KALRN: variants seen among roughly 807,000 people sequenced by gnomAD.
The protein encoded by KALRN is kalirin RhoGEF kinase.
Under a neutral mutation model 353.7 loss-of-function variants are expected in KALRN, and 70 were observed. That is an observed-to-expected ratio of 0.20 (90% CI 0.16 to 0.24). The LOEUF (loss-of-function observed/expected upper bound fraction) is 0.24, where lower values mean the gene tolerates loss of function less well. Among genes scored for constraint, KALRN ranks in the 10% least tolerant of loss-of-function variants. The pLI is 1.00. For missense variants in KALRN, 2,791 were observed against 3,756.7 expected, an observed-to-expected ratio of 0.74 and a Z score of 6.72; for synonymous variants, 1,391 against 1,434.8, an observed-to-expected ratio of 0.97 and a Z score of 0.69.
intron 44 of KALRN, 66 bp downstream of exon 44, chr3:124,661,039 G>T: frequency 2.4e-6 from 3 of 1,261,024 alleles, no homozygotes; most frequent in Non-Finnish European, 3.5e-6. Flanking sequence ...CTCTAGAGGG[G>T]AAAAGATTGT....
chr3:124,206,583 G>A (rs2076431557), intron 1 of KALRN, among the ~76,000 whole-genome samples: 1 of 152,172 alleles, frequency 6.6e-6, no homozygotes, highest in African/African-American at 2.4e-5. Context: ...ACGACTTCTT[G>A]TGCTTATTGC....
intron 1 of KALRN, among the ~76,000 whole-genome samples, chr3:124,137,671 C>T (rs1045969615): frequency 1.1e-4 from 16 of 152,074 alleles, no homozygotes; most frequent in East Asian, 1.9e-4. Flanking sequence ...AGTCCTTACA[C>T]GCAAATTTTA....
intron 1 of KALRN, among the ~76,000 whole-genome samples, chr3:124,189,845 A>G (rs2074684130): frequency 1.3e-5 from 2 of 150,896 alleles, no homozygotes; most frequent in South Asian, 2.2e-4. Flanking sequence ...AGGCTGAGGC[A>G]GGAGAATCAC....
intron 10 of KALRN, among the ~76,000 whole-genome samples, chr3:124,356,497 C>A (rs2083438055): frequency 6.6e-6 from 1 of 151,922 alleles, no homozygotes; most frequent in South Asian, 2.1e-4. Flanking sequence ...CCACACTCAG[C>A]TAATTTTTGT....
At chr3:124,338,189 G>A (rs1055776939) in intron 9 of KALRN, among the ~76,000 whole-genome samples, 3 of 151,982 alleles carry the variant, frequency 2.0e-5, no homozygotes, top group Non-Finnish European at 2.9e-5. Context: ...TTTTGAATTT[G>A]TTTGCTCTTG....
At chr3:124,096,381 C>T (rs953852740) in intron 1 of KALRN, among the ~76,000 whole-genome samples, 3 of 152,164 alleles carry the variant, frequency 2.0e-5, no homozygotes, top group African/African-American at 7.2e-5. Flanking sequence ...AATTCTCACT[C>T]TCCAACAAAC....
In KALRN at chr3:124,496,315, G is replaced by T; in HGVS notation, c.4837G>T (p.Gly1613Ter). 1 of 1,605,396 alleles carries T rather than the reference G, an allele frequency of 6.2e-7. No individual in the cohort carries two copies. Among genetic ancestry groups the T allele is most frequent in the East Asian group, 2.2e-5 (1 of 44,674 alleles). Reference sequence around the variant, plus strand: ...TTTTTTCTCTTCTTCCTGCAGGGATGGAGTGGAGGATATTGACAGCCAGGG... The same window carrying T: ...TTTTTTCTCTTCTTCCTGCAGGGATTGAGTGGAGGATATTGACAGCCAGGG... ...AKQRNNSKRD[G>*]VEDIDSQGDG... Residue 1613 changes from glycine (G) to a stop codon, truncating the protein, a stop_gained, in exon 33 of 60, where the codon GGA becomes TGA. Transcript: ENST00000682506. LOFTEE classifies it high-confidence loss of function.
At chr3:124,543,381 A>C (rs1194908770) in intron 33 of KALRN, among the ~76,000 whole-genome samples, 1 of 151,004 alleles carries the variant, frequency 6.6e-6, no homozygotes. Context: ...GGCTCACTGC[A>C]AGCTCCGCCT....
intron 57 of KALRN, among the ~76,000 whole-genome samples, chr3:124,704,644 C>T (rs2062509204): frequency 6.6e-6 from 1 of 152,070 alleles, no homozygotes; most frequent in Admixed American, 6.6e-5. Flanking sequence ...ACCTTCCAGG[C>T]TCAAGTGATC....
At chr3:124,357,429 T>C (rs2083543997) in intron 10 of KALRN, among the ~76,000 whole-genome samples, 1 of 152,218 alleles carries the variant, frequency 6.6e-6, no homozygotes, top group South Asian at 2.1e-4. Context: ...AAACTCTTGA[T>C]AATATAAACC....
chr3:124,159,873 G>T (rs1269105503), intron 1 of KALRN, among the ~76,000 whole-genome samples: 2 of 152,018 alleles, frequency 1.3e-5, no homozygotes, highest in African/African-American at 4.8e-5. Flanking sequence ...GTACTGATGG[G>T]TATGGGGGGA....
At chr3:124,459,260 C>T (rs1305507579) in intron 23 of KALRN, among the ~76,000 whole-genome samples, 1 of 152,146 alleles carries the variant, frequency 6.6e-6, no homozygotes, top group African/African-American at 2.4e-5. Flanking sequence ...AAGTTTACTC[C>T]TAGGTCAGCA....
At chr3:124,617,344 A>G (rs965517687) in intron 34 of KALRN, among the ~76,000 whole-genome samples, 3 of 152,152 alleles carry the variant, frequency 2.0e-5, no homozygotes, top group Admixed American at 6.5e-5. Context: ...ACACAAATGA[A>G]CAAAGAATTT....
Position 124,276,947 on chromosome 3 carries a change from A to ATGTGCGCATGCACACACACATG in KALRN, c.969+7698_969+7719dup, listed in dbSNP as rs1188525423. 2.6e-4 allele frequency among the ~76,000 whole-genome samples: 40 copies of ATGTGCGCATGCACACACACATG among 152,298 alleles called. No homozygotes were observed. In the South Asian group the frequency reaches 7.7e-3, roughly 29 times the overall value. On this transcript the variant is annotated intron_variant, in intron 5 of 59. Transcript: ENST00000682506. ...CTTCTCCCAACACACGCACGCACAC[A>ATGTGCGCATGCACACACACATG]TGTGCGCATGCACACACACATGTGT...
chr3:124,250,702 A>T, intron 3 of KALRN, among the ~76,000 whole-genome samples: 1 of 152,178 alleles, frequency 6.6e-6, no homozygotes, highest in African/African-American at 2.4e-5. Flanking sequence ...GAGGGTAGAG[A>T]AGGCCAGAAG....
chr3:124,481,418 G>T (rs754016603), intron 27 of KALRN, among the ~76,000 whole-genome samples: 1 of 152,084 alleles, frequency 6.6e-6, no homozygotes, highest in Non-Finnish European at 1.5e-5. Context: ...TGTTGCCCCG[G>T]CTGGTCTTGA....
intron 6 of KALRN, among the ~76,000 whole-genome samples, chr3:124,306,068 C>CATTATT (rs1184017438): frequency 1.3e-5 from 2 of 151,738 alleles, no homozygotes; most frequent in African/African-American, 4.8e-5. Flanking sequence ...TCAGTAAAGA[C>CATTATT]ATTATTATTA....
intron 1 of KALRN, among the ~76,000 whole-genome samples, chr3:124,090,486 G>C (rs573614585): frequency 6.6e-6 from 1 of 152,340 alleles, no homozygotes; most frequent in East Asian, 1.9e-4. Flanking sequence ...GCTTTCTGGA[G>C]CCTGTGGAGA....
In KALRN at chr3:124,325,976, C is replaced by A. The variant is rs761295987; in HGVS notation, c.1093-4C>A. The A allele has an allele frequency of 7.5e-6, 12 of 1,610,400 alleles. No individual in the cohort carries two copies. The highest frequency in any genetic ancestry group is 1.0e-5 in the Non-Finnish European group (12 of 1,177,808). On this transcript the variant is annotated splice_region_variant and splice_polypyrimidine_tract_variant and intron_variant, in intron 6 of 59. Coordinates refer to ENST00000682506, the MANE Select transcript of KALRN (RefSeq NM_001388419.1). ...CCCACTGAGCACTCTCCTTTTCTTT[C>A]CAGAATGCCTATGTCAACATCAACC...
Sources: gnomAD v4.1 joint callset for allele counts (sites outside exome capture counted in the v4.1 genomes callset) on GRCh38, gnomAD v4.1.1 for gene constraint, MANE v1.5 for transcripts, NCBI Gene and HGNC (gene_info 2026-07-23, HGNC 2026-07-21) for gene names.